The following CDH13 variants were observed in gnomAD, a reference collection of about 807,000 sequenced individuals.
CDH13 encodes cadherin 13.
In CDH13, 24 loss-of-function variants were observed where a neutral mutation model predicts 63.8. That is an observed-to-expected ratio of 0.38 (90% CI 0.27 to 0.53). The LOEUF (loss-of-function observed/expected upper bound fraction) is 0.53. CDH13 is among the 20% of genes least tolerant of loss of function. The pLI is 0.85. For synonymous variants in CDH13, 503 were observed against 355.3 expected (o/e 1.42, Z -4.67); for missense variants, 1,049 against 903.1 (o/e 1.16, Z -2.07).
chr16:83,430,192 C>T (rs537723125), intron 6 of CDH13, among the ~76,000 whole-genome samples: 1 of 152,290 alleles, frequency 6.6e-6, no homozygotes, highest in South Asian at 2.1e-4. Context: ...CAGCAGTACT[C>T]ACAACTGGCA....
intron 2 of CDH13, chr16:82,925,899 CA>C (rs1187099925): frequency 6.6e-6 from 1 of 152,094 alleles, no homozygotes; most frequent in Non-Finnish European, 1.5e-5. Context: ...ATTCTGTCTA[CA>C]AACTCCTTTT....
At chr16:83,130,519 T>C (rs1233317748) in intron 4 of CDH13, among the ~76,000 whole-genome samples, 1 of 152,220 alleles carries the variant, frequency 6.6e-6, no homozygotes, top group Non-Finnish European at 1.5e-5. Context: ...GGACAGAGGG[T>C]TGGATCAATA....
chr16:83,196,035 C>G (rs943309989), intron 4 of CDH13, among the ~76,000 whole-genome samples: 1 of 152,158 alleles, frequency 6.6e-6, no homozygotes, highest in Non-Finnish European at 1.5e-5. Flanking sequence ...GCAGGCGGAT[C>G]ACCTGAGGTC....
At chr16:82,872,044 G>T (rs1367279052) in intron 2 of CDH13, among the ~76,000 whole-genome samples, 1 of 152,188 alleles carries the variant, frequency 6.6e-6, no homozygotes. Context: ...AAATGGAGAT[G>T]AAATTCCCTC....
At chr16:82,722,667 G>C (rs2032851603) in intron 1 of CDH13, among the ~76,000 whole-genome samples, 1 of 152,156 alleles carries the variant, frequency 6.6e-6, no homozygotes, top group African/African-American at 2.4e-5. Flanking sequence ...AGAGATGGCA[G>C]GTAGACAGAA....
intron 7 of CDH13, among the ~76,000 whole-genome samples, chr16:83,561,643 G>A (rs1426359936): frequency 6.6e-6 from 1 of 152,180 alleles, no homozygotes; most frequent in Non-Finnish European, 1.5e-5. Context: ...ATGATCTTAA[G>A]CAGAATTTCC....
intron 3 of CDH13, among the ~76,000 whole-genome samples, chr16:83,059,789 G>GTTTTTTTTTTTTTTTTTTTT (rs1256608391): frequency 2.0e-5 from 2 of 98,756 alleles, no homozygotes; most frequent in African/African-American, 7.5e-5. Context: ...TTTTTTTTTT[G>GTTTTTTTTTTTTTTTTTTTT]TTTGTTTTTT....
chr16:83,029,059 C>A lies in CDH13; in HGVS notation c.158-2951C>A, dbSNP rs553112284. ...GTAGGAGAAGGGGATCAAAATAGTACTTTATTTGTTGTCATTGTAAAGATT... is the reference window on the plus strand; with the variant it reads ...GTAGGAGAAGGGGATCAAAATAGTAATTTATTTGTTGTCATTGTAAAGATT... On this transcript the variant is annotated intron_variant, in intron 2 of 13. Coordinates refer to ENST00000567109, the MANE Select transcript of CDH13 (RefSeq NM_001257.5). 2.6e-4 allele frequency among the ~76,000 whole-genome samples: 40 copies of A among 152,234 alleles called. No individual in the cohort carries two copies. In the South Asian group the frequency reaches 7.9e-3, roughly 30 times the overall value.
intron 6 of CDH13, among the ~76,000 whole-genome samples, chr16:83,415,511 C>T (rs4782788): frequency 0.15 from 22,634 of 152,026 alleles, 2,394 homozygotes; most frequent in East Asian, 0.57. Context: ...AGCAAAAGTC[C>T]TTAACAAAAT....
At chr16:83,380,657 G>C (rs1483989420) in intron 6 of CDH13, among the ~76,000 whole-genome samples, 1 of 152,106 alleles carries the variant, frequency 6.6e-6, no homozygotes, top group East Asian at 1.9e-4. Context: ...GCCACTTCAT[G>C]GCTCAAGGTG....
At chr16:82,863,018 A>T (rs1362347594) in intron 2 of CDH13, among the ~76,000 whole-genome samples, 1 of 152,184 alleles carries the variant, frequency 6.6e-6, no homozygotes, top group Non-Finnish European at 1.5e-5. Flanking sequence ...TTCTGCTCAT[A>T]TTCTAAGATC....
chr16:83,503,373 T>C lies in CDH13; in HGVS notation c.960+16718T>C, dbSNP rs1442859651. Among the ~76,000 whole-genome samples the C allele has an allele frequency of 4.6e-5, 7 of 152,128 alleles. No homozygotes were observed. The East Asian group carries it at 1.3e-3, about 29-fold the overall frequency. On this transcript the variant is annotated intron_variant, in intron 7 of 13. Coordinates refer to ENST00000567109, the MANE Select transcript of CDH13 (RefSeq NM_001257.5). ...ATACTTTTACCTAAATTAGAGAGATTCGGATGGGGTGGGATAACAACACGC... is the reference window on the plus strand; with the variant it reads ...ATACTTTTACCTAAATTAGAGAGATCCGGATGGGGTGGGATAACAACACGC...
intron 3 of CDH13, among the ~76,000 whole-genome samples, chr16:83,071,772 A>G (rs1322528351): frequency 6.6e-6 from 1 of 152,238 alleles, no homozygotes; most frequent in Non-Finnish European, 1.5e-5. Context: ...CATAGCATAT[A>G]TAGGTGCATA....
intron 3 of CDH13, among the ~76,000 whole-genome samples, chr16:83,048,590 T>A (rs1254900339): frequency 6.6e-6 from 1 of 152,204 alleles, no homozygotes; most frequent in Non-Finnish European, 1.5e-5. Flanking sequence ...GTTCCTCTGC[T>A]GAGAAAAGTT....
chr16:83,544,414 T>G (rs2150658093), intron 7 of CDH13, among the ~76,000 whole-genome samples: 1 of 152,150 alleles, frequency 6.6e-6, no homozygotes, highest in Middle Eastern at 3.4e-3. Flanking sequence ...AAGTTGAAAA[T>G]TATCATTAAG....
chr16:83,280,308 CT>C (rs1323376088), intron 5 of CDH13, among the ~76,000 whole-genome samples: 1 of 152,184 alleles, frequency 6.6e-6, no homozygotes, highest in Admixed American at 6.5e-5. Flanking sequence ...TTCATAGTAG[CT>C]TTACCAGGAG....
chr16:82,660,174 T>C (rs1239696895), intron 1 of CDH13, among the ~76,000 whole-genome samples: 1 of 152,020 alleles, frequency 6.6e-6, no homozygotes, highest in African/African-American at 2.4e-5. Context: ...GGAGGGAAAA[T>C]GTGACCCAGA....
chr16:83,796,329 G>A lies in CDH13; in HGVS notation c.*1299G>A, dbSNP rs1023840644. 2.0e-5 allele frequency: 3 copies of A among 152,192 alleles called. No individual in the cohort carries two copies. Among genetic ancestry groups the A allele is most frequent in the African/African-American group, 7.2e-5 (3 of 41,448 alleles). The allele number at this position is 152,192 out of a possible 1,614,324, so 9.4% of individuals were successfully genotyped here. On this transcript the variant is annotated 3_prime_UTR_variant, in exon 14 of 14. Coordinates refer to ENST00000567109, the MANE Select transcript of CDH13 (RefSeq NM_001257.5). ...CTCGCCACGAACTAGGGTAAGGTGA[G>A]TGTCTTAGCATATTTTAATGCAGTT...
At chr16:83,315,974 A>G (rs867285115) in intron 5 of CDH13, among the ~76,000 whole-genome samples, 15 of 152,316 alleles carry the variant, frequency 9.8e-5, no homozygotes, top group Middle Eastern at 3.4e-3. Context: ...TTACTGGGTA[A>G]TTTATAAAGG....
Sources: allele counts gnomAD v4.1 joint callset (sites outside exome capture counted in the v4.1 genomes callset), GRCh38; gene constraint gnomAD v4.1.1; transcripts MANE v1.5; gene names NCBI Gene and HGNC (gene_info 2026-07-23, HGNC 2026-07-21).